DGKB: variants seen among roughly 807,000 people sequenced by gnomAD.
The protein encoded by DGKB is 90 kDa diacylglycerol kinase.
In DGKB, 67 loss-of-function variants were observed where a neutral mutation model predicts 114.3. The observed-to-expected ratio is 0.59, with a 90% CI of 0.48 to 0.72. The LOEUF is 0.72. Among genes scored for constraint, DGKB ranks in the 30% least tolerant of loss-of-function variants. DGKB has a pLI of 0.00. For synonymous variants in DGKB, 398 were observed against 323.1 expected, an observed-to-expected ratio of 1.23 and a Z score of -2.49; for missense variants, 907 against 975.2, an observed-to-expected ratio of 0.93 and a Z score of 0.93.
At chr7:14,610,579 G>C (rs1805365964) in intron 16 of DGKB, among the ~76,000 whole-genome samples, 1 of 151,936 alleles carries the variant, frequency 6.6e-6, no homozygotes, top group African/African-American at 2.4e-5. Flanking sequence ...GTGAAAATAT[G>C]ATTATTTTAT....
intron 2 of DGKB, among the ~76,000 whole-genome samples, chr7:14,815,524 C>T (rs959089709): frequency 3.9e-5 from 6 of 152,188 alleles, no homozygotes; most frequent in African/African-American, 1.4e-4. Context: ...CTATTCATTC[C>T]ACATGATTAT....
At chr7:14,932,311 T>C (rs906918517) in intron 1 of DGKB, among the ~76,000 whole-genome samples, 2 of 152,170 alleles carry the variant, frequency 1.3e-5, no homozygotes, top group Non-Finnish European at 2.9e-5. Flanking sequence ...TCCCTTTGCT[T>C]TTCTGTTGAA....
At chr7:14,652,802 C>T (rs1398037257) in intron 13 of DGKB, among the ~76,000 whole-genome samples, 19 of 151,828 alleles carry the variant, frequency 1.3e-4, no homozygotes, top group South Asian at 1.0e-3. Context: ...CAAACAAATT[C>T]ACAAGAAAAA....
chr7:14,393,060 C>G (rs1406733140), intron 21 of DGKB, among the ~76,000 whole-genome samples: 1 of 131,320 alleles, frequency 7.6e-6, no homozygotes, highest in African/African-American at 2.8e-5. Context: ...ACGATCTCGG[C>G]TCACTGCAAG....
At chr7:14,381,306 C>T (rs1456819962) in intron 21 of DGKB, among the ~76,000 whole-genome samples, 1 of 152,176 alleles carries the variant, frequency 6.6e-6, no homozygotes, top group African/African-American at 2.4e-5. Context: ...TGTACTTTTG[C>T]TCCAGGTCCT....
chr7:14,244,060 AG>A (rs1289301815), intron 23 of DGKB, among the ~76,000 whole-genome samples: 6 of 152,090 alleles, frequency 3.9e-5, no homozygotes, highest in Admixed American at 3.3e-4. Flanking sequence ...AGAGGGAGAG[AG>A]AGAGAGATCA....
At chr7:14,566,345 G>A (rs1209934442) in intron 20 of DGKB, among the ~76,000 whole-genome samples, 1 of 151,994 alleles carries the variant, frequency 6.6e-6, no homozygotes, top group Non-Finnish European at 1.5e-5. Flanking sequence ...TATGGACTGT[G>A]GTTTACACAA....
chr7:14,647,205 C>G (rs1813218477), intron 13 of DGKB, among the ~76,000 whole-genome samples: 1 of 151,986 alleles, frequency 6.6e-6, no homozygotes, highest in Non-Finnish European at 1.5e-5. Flanking sequence ...ACTGGGTAAT[C>G]TAGAGGAAAC....
chr7:14,723,691 A>G (rs1394227395), intron 5 of DGKB, among the ~76,000 whole-genome samples: 2 of 152,170 alleles, frequency 1.3e-5, no homozygotes, highest in African/African-American at 4.8e-5. Context: ...TTTAGGAATA[A>G]TTATCTTGTA....
chr7:14,349,945 A>AGATTTTGT (rs1813146917), intron 21 of DGKB, among the ~76,000 whole-genome samples: 1 of 152,196 alleles, frequency 6.6e-6, no homozygotes, highest in South Asian at 2.1e-4. Context: ...ATTCCTGGAC[A>AGATTTTGT]GATTTTGTGA....
chr7:14,499,897 C>T (rs1253698346), intron 20 of DGKB, among the ~76,000 whole-genome samples: 1 of 151,736 alleles, frequency 6.6e-6, no homozygotes, highest in East Asian at 1.9e-4. Context: ...GTGAATCAGA[C>T]CCGTGGCTCA....
Position 14,478,183 on chromosome 7 carries a change from G to T in DGKB, c.1813C>A (p.His605Asn). 6.2e-7 allele frequency: 1 copy of T among 1,603,332 alleles called. No individual in the cohort carries two copies. Among genetic ancestry groups the T allele is most frequent in the Non-Finnish European group, 8.5e-7 (1 of 1,173,722 alleles). Residue 605 changes from histidine to asparagine, a missense_variant, in exon 21 of 26, where the codon CAC becomes AAC. By Grantham distance (68) the His-to-Asn change is moderately conservative. This residue lies in a region of DGKB where 814 missense variants were observed against 856.6 expected (regional missense o/e 0.95). Coordinates refer to ENST00000402815, the MANE Select transcript of DGKB (RefSeq NM_001350709.2). ...TACCTACTGTTGAATTTCTCTGGGT[G>T]TTTTTCTCTCATGATGTGGAATCTG... is the stretch of plus-strand genomic sequence containing the variant. ...AHRFHIMREK[H>N]PEKFNSRMKN...
intron 2 of DGKB, among the ~76,000 whole-genome samples, chr7:14,793,734 T>C (rs1841015540): frequency 6.6e-6 from 1 of 152,036 alleles, no homozygotes; most frequent in African/African-American, 2.4e-5. Flanking sequence ...TCTGTGATGG[T>C]TGGTTTTGTA....
intron 23 of DGKB, among the ~76,000 whole-genome samples, chr7:14,256,363 T>C (rs897967683): frequency 2.0e-5 from 3 of 152,022 alleles, no homozygotes; most frequent in African/African-American, 4.8e-5. Context: ...ATTTTTAATC[T>C]TTTTTGTAGT....
chr7:14,754,025 T>C (rs1834498806), intron 3 of DGKB, 77 bp from the exon 4 acceptor site: 3 of 1,049,540 alleles, frequency 2.9e-6, no homozygotes, highest in Non-Finnish European at 4.2e-6. Flanking sequence ...TCTCTGATTA[T>C]TTAGCTAAAA....
chr7:14,751,279 G>A (rs1834088541), intron 4 of DGKB, among the ~76,000 whole-genome samples: 1 of 152,022 alleles, frequency 6.6e-6, no homozygotes, highest in South Asian at 2.1e-4. Context: ...TATATCAATT[G>A]TTTAATAAAT....
intron 21 of DGKB, among the ~76,000 whole-genome samples, chr7:14,355,474 G>C (rs1486724803): frequency 6.6e-6 from 1 of 152,158 alleles, no homozygotes. Context: ...TTTATTGAGA[G>C]TTTTTAGCAT....
At chr7:14,590,269 C>A (rs905965708) in intron 17 of DGKB, among the ~76,000 whole-genome samples, 3 of 151,656 alleles carry the variant, frequency 2.0e-5, no homozygotes, top group African/African-American at 7.3e-5. Context: ...CAGCTTTTTT[C>A]CAGCTATACT....
intron 1 of DGKB, among the ~76,000 whole-genome samples, chr7:14,843,518 T>A: frequency 6.6e-6 from 1 of 150,864 alleles, no homozygotes. Context: ...GTATTTTTAG[T>A]AGAGACGGGG....
Sources: allele counts gnomAD v4.1 joint callset (sites outside exome capture counted in the v4.1 genomes callset), GRCh38; gene constraint gnomAD v4.1.1; regional missense constraint gnomAD v4.1.1; transcripts MANE v1.5; gene names NCBI Gene and HGNC (gene_info 2026-07-23, HGNC 2026-07-21).